The following NCAM2 variants were observed in gnomAD, a reference collection of about 807,000 sequenced individuals.
NCAM2 encodes the protein N-CAM-2.
NCAM2 carries 30 observed loss-of-function variants against 98.1 expected under a neutral mutation model. That is an observed-to-expected ratio of 0.31 (90% CI 0.23 to 0.41). The LOEUF (loss-of-function observed/expected upper bound fraction) is 0.41, where lower values mean the gene tolerates loss of function less well. Among genes scored for constraint, NCAM2 ranks in the 10% least tolerant of loss-of-function variants. The pLI, the probability that NCAM2 is intolerant of heterozygous loss-of-function variation, is 1.00. For synonymous variants in NCAM2, 368 were observed against 342.4 expected, an observed-to-expected ratio of 1.07 and a Z score of -0.83; for missense variants, 867 against 1,005.8, an observed-to-expected ratio of 0.86 and a Z score of 1.87.
intron 1 of NCAM2, among the ~76,000 whole-genome samples, chr21:21,096,862 C>A (rs2146470485): frequency 6.6e-6 from 1 of 151,606 alleles, no homozygotes; most frequent in Non-Finnish European, 1.5e-5. Flanking sequence ...ATGTCTATAT[C>A]TTTATTTGTT....
chr21:21,091,283 C>CT (rs972333818), intron 1 of NCAM2, among the ~76,000 whole-genome samples: 1 of 152,004 alleles, frequency 6.6e-6, no homozygotes, highest in African/African-American at 2.4e-5. Flanking sequence ...TTATTACAGT[C>CT]TTTTTTTATT....
chr21:21,004,074 A>G (rs2064068288), intron 1 of NCAM2, among the ~76,000 whole-genome samples: 1 of 152,184 alleles, frequency 6.6e-6, no homozygotes, highest in Non-Finnish European at 1.5e-5. Flanking sequence ...AAGATCAAAC[A>G]GAAAAGTAAA....
chr21:21,308,150 A>T (rs1432910867), intron 5 of NCAM2, among the ~76,000 whole-genome samples: 1 of 152,102 alleles, frequency 6.6e-6, no homozygotes, highest in Non-Finnish European at 1.5e-5. Flanking sequence ...ATTACATTAA[A>T]ATTAATGTTA....
At chr21:21,085,972 G>A (rs529732668) in intron 1 of NCAM2, among the ~76,000 whole-genome samples, 54 of 152,262 alleles carry the variant, frequency 3.5e-4, no homozygotes, top group Non-Finnish European at 6.6e-4. Flanking sequence ...AACTATGTAA[G>A]TCTTTCAGAT....
chr21:21,490,246 G>C (rs1986736992), intron 15 of NCAM2, among the ~76,000 whole-genome samples: 1 of 146,292 alleles, frequency 6.8e-6, no homozygotes, highest in African/African-American at 2.8e-5. Flanking sequence ...TCCAAGAAAT[G>C]TAAAAAATAA....
chr21:21,513,819 T>C (rs1297866142), intron 16 of NCAM2, among the ~76,000 whole-genome samples: 1 of 152,178 alleles, frequency 6.6e-6, no homozygotes, highest in Middle Eastern at 3.2e-3. Flanking sequence ...ACGATTTTAT[T>C]AGGATCTTTC....
chr21:21,278,112 G>T (rs910959780), intron 1 of NCAM2, among the ~76,000 whole-genome samples: 1 of 151,926 alleles, frequency 6.6e-6, no homozygotes, highest in African/African-American at 2.4e-5. Context: ...TCTTAAAGAA[G>T]AAAGTAAAGG....
intron 15 of NCAM2, among the ~76,000 whole-genome samples, chr21:21,483,570 C>CGAATATGA (rs1986084910): frequency 6.6e-6 from 1 of 151,646 alleles, no homozygotes; most frequent in African/African-American, 2.4e-5. Context: ...AAACACATGG[C>CGAATATGA]AAATATGAAA....
chr21:21,411,052 G>GTT (rs1555889841), intron 10 of NCAM2, among the ~76,000 whole-genome samples: 1 of 30,796 alleles, frequency 3.2e-5, no homozygotes, highest in Non-Finnish European at 5.2e-5. Context: ...ATATATGTGT[G>GTT]TGTATATATA....
intron 1 of NCAM2, among the ~76,000 whole-genome samples, chr21:21,267,965 TG>T (rs1274867914): frequency 6.6e-6 from 1 of 152,028 alleles, no homozygotes. Flanking sequence ...GAAGGGAAAA[TG>T]TGCTTATATA....
At chr21:21,365,051 A>G (rs915944932) in intron 8 of NCAM2, among the ~76,000 whole-genome samples, 1 of 152,084 alleles carries the variant, frequency 6.6e-6, no homozygotes, top group Non-Finnish European at 1.5e-5. Context: ...TGAATGCTTC[A>G]ATTGTTTTCC....
intron 1 of NCAM2, among the ~76,000 whole-genome samples, chr21:21,101,465 A>G (rs1181574645): frequency 1.3e-5 from 2 of 152,076 alleles, no homozygotes; most frequent in African/African-American, 2.4e-5. Context: ...ATACTCTCAT[A>G]AGAATCAAGG....
intron 15 of NCAM2, among the ~76,000 whole-genome samples, chr21:21,505,520 T>TA (rs1987926666): frequency 6.6e-6 from 1 of 151,984 alleles, no homozygotes; most frequent in Non-Finnish European, 1.5e-5. Flanking sequence ...AGCATATAAT[T>TA]ATACTAGTTT....
chr21:21,275,907 T>A (rs977127495), intron 1 of NCAM2, among the ~76,000 whole-genome samples: 2 of 152,148 alleles, frequency 1.3e-5, no homozygotes, highest in Non-Finnish European at 2.9e-5. Context: ...AAAATTCAAG[T>A]CAGTTGTTTC....
chr21:21,285,432 C>A (rs1435943829), intron 3 of NCAM2, among the ~76,000 whole-genome samples: 1 of 151,820 alleles, frequency 6.6e-6, no homozygotes, highest in African/African-American at 2.4e-5. Context: ...CCATTTGATT[C>A]TGAGCTTCCG....
At chr21:21,534,193 A>G (rs919475943) in intron 16 of NCAM2, among the ~76,000 whole-genome samples, 6 of 152,126 alleles carry the variant, frequency 3.9e-5, no homozygotes, top group African/African-American at 1.4e-4. Flanking sequence ...GAGGAAAGAA[A>G]CCTACTTGAT....
At chr21:21,302,542 A>T (rs2073751579) in intron 5 of NCAM2, among the ~76,000 whole-genome samples, 1 of 152,102 alleles carries the variant, frequency 6.6e-6, no homozygotes, top group South Asian at 2.1e-4. Context: ...GCAAATCAAA[A>T]CCACAATGAG....
intron 1 of NCAM2, among the ~76,000 whole-genome samples, chr21:21,008,424 A>G (rs898478023): frequency 6.6e-6 from 1 of 152,160 alleles, no homozygotes; most frequent in African/African-American, 2.4e-5. Context: ...TTGACAAAAC[A>G]CTTATAGTCC....
At chr21:21,042,217 C>T (rs141753678) in intron 1 of NCAM2, among the ~76,000 whole-genome samples, 1 of 152,110 alleles carries the variant, frequency 6.6e-6, no homozygotes, top group South Asian at 2.1e-4. Context: ...TTCTTTTGCT[C>T]ATTTTTGCCC....
Sources: gnomAD v4.1 joint callset for allele counts (sites outside exome capture counted in the v4.1 genomes callset) on GRCh38, gnomAD v4.1.1 for gene constraint, MANE v1.5 for transcripts, NCBI Gene and HGNC (gene_info 2026-07-23, HGNC 2026-07-21) for gene names.